TSPEAR: variants seen among roughly 807,000 people sequenced by gnomAD.
TSPEAR encodes thrombospondin type laminin G domain and EAR repeats, also known as thrombospondin-type laminin G domain and EAR repeat-containing protein.
Under a neutral mutation model 71.6 loss-of-function variants are expected in TSPEAR, and 69 were observed. That is an observed-to-expected ratio of 0.96 (90% CI 0.79 to 1.18). The LOEUF (loss-of-function observed/expected upper bound fraction) is 1.18, where lower values mean the gene tolerates loss of function less well. Ranked by LOEUF, TSPEAR falls within the 50% of genes most tolerant of loss-of-function variation. The pLI, the probability that TSPEAR is intolerant of heterozygous loss-of-function variation, is 0.00. For synonymous variants in TSPEAR, 402 were observed against 387.2 expected (o/e 1.04, Z -0.45); for missense variants, 971 against 894.9 (o/e 1.09, Z -1.09).
At chr21:44,636,710 C>A (rs1555936744) in intron 1 of TSPEAR, among the ~76,000 whole-genome samples, 1 of 152,130 alleles carries the variant, frequency 6.6e-6, no homozygotes, top group East Asian at 1.9e-4. Flanking sequence ...CACCCTCAGA[C>A]CCTGACCTGC....
chr21:44,531,241 G>A, intron 3 of TSPEAR, 108 bp from the exon 4 acceptor site: 1 of 825,972 alleles, frequency 1.2e-6, no homozygotes, highest in South Asian at 1.6e-5. Context: ...CATCTGTGCT[G>A]TGGCTGCCAC....
intron 1 of TSPEAR, among the ~76,000 whole-genome samples, chr21:44,680,356 C>T (rs1239417472): frequency 6.6e-6 from 1 of 152,024 alleles, no homozygotes; most frequent in Non-Finnish European, 1.5e-5. Context: ...TCATCTTACC[C>T]CAATTAGAAT....
Position 44,499,502 on chromosome 21 carries a change from G to A in TSPEAR, c.*281C>T. ...TGTATAGAAACGGTTCCTTGACAGC[G>A]AAATCCCCGCTTGACACTCAGATGG... On this transcript the variant is annotated 3_prime_UTR_variant, in exon 12 of 12. Coordinates refer to ENST00000323084, the MANE Select transcript of TSPEAR (RefSeq NM_144991.3). The A allele has an allele frequency of 7.2e-6, 3 of 418,140 alleles. No individual in the cohort carries two copies. Among genetic ancestry groups the A allele is most frequent in the South Asian group, 7.8e-5 (2 of 25,586 alleles). 25.9% of individuals were successfully genotyped at this position (418,140 alleles called of 1,614,324 possible). A position where few individuals can be genotyped will look rare whatever the true frequency, so the allele number is the denominator to read the frequency against.
At chr21:44,599,424 A>G (rs1555928100) in intron 1 of TSPEAR, among the ~76,000 whole-genome samples, 1 of 152,184 alleles carries the variant, frequency 6.6e-6, no homozygotes. Context: ...ACCCCACCAG[A>G]AGGGCCCCTG....
intron 1 of TSPEAR, among the ~76,000 whole-genome samples, chr21:44,606,456 A>G (rs1238455514): frequency 6.6e-6 from 1 of 152,230 alleles, no homozygotes; most frequent in East Asian, 1.9e-4. Flanking sequence ...TACGGGAAAC[A>G]GTATAGCGGT....
rs782718230 is a variant in TSPEAR, at chr21:44,666,839, C to T, written c.82+44594G>A. The T allele has an allele frequency of 1.4e-5, 22 of 1,609,242 alleles. No individual in the cohort carries two copies. The East Asian group carries it at 2.5e-4, about 18-fold the overall frequency. On this transcript the variant is annotated intron_variant, in intron 1 of 11. Transcript: ENST00000323084. ...AACAGGCTGGCTGGCAGGGGCTGGG[C>T]GCGCAGCAGGCTGGCTGGCAGCCCG...
At chr21:44,684,057 A>C (rs6518199) in intron 1 of TSPEAR, among the ~76,000 whole-genome samples, 97,505 of 152,122 alleles carry the variant, frequency 0.64, 31,418 homozygotes, top group South Asian at 0.72. Flanking sequence ...GAAGTGATGA[A>C]AACCAAAAAT....
chr21:44,525,155 TAGTCAGTCAGTC>T lies in TSPEAR; in HGVS notation c.1336+486_1336+497del, dbSNP rs58689458. Reference sequence around the variant, plus strand: ...GTAGTCAGTCAGACAGTCAGGTAGTTAGTCAGTCAGTCAGTCAGTGAAGTAGTCAGTCAGTCT... The same window carrying T: ...GTAGTCAGTCAGACAGTCAGGTAGTTAGTCAGTGAAGTAGTCAGTCAGTCT... On this transcript the variant is annotated intron_variant, in intron 8 of 11. Transcript: ENST00000323084. Among the ~76,000 whole-genome samples the T allele has an allele frequency of 2.9e-4, 44 of 151,662 alleles. 1 individual carries two copies. In the Middle Eastern group the frequency reaches 0.017, roughly 59 times the overall value.
At chr21:44,575,537 C>A (rs587660410) in intron 1 of TSPEAR, among the ~76,000 whole-genome samples, 1 of 152,254 alleles carries the variant, frequency 6.6e-6, no homozygotes, top group African/African-American at 2.4e-5. Flanking sequence ...GGGAGCCTTG[C>A]AGCCCTTTGG....
intron 1 of TSPEAR, among the ~76,000 whole-genome samples, chr21:44,683,038 C>T (rs1278596921): frequency 2.0e-5 from 3 of 152,066 alleles, no homozygotes; most frequent in Admixed American, 6.6e-5. Context: ...CCAGTCCCCA[C>T]GTCGACATCC....
At position 44,623,760 on chromosome 21, in the gene TSPEAR, T is replaced by G. The variant is rs782327310; in HGVS notation, c.83-55755A>C. 1.4e-4 allele frequency among the ~76,000 whole-genome samples: 22 copies of G among 152,318 alleles called. 1 individual carries two copies. The highest frequency in any genetic ancestry group is 5.3e-4 in the African/African-American group (22 of 41,574). ...TCCATCATCCTCTGGCTGCCATCAT[T>G]TCTACTGAGAAGTCATCTGTAAATG... On this transcript the variant is annotated intron_variant, in intron 1 of 11. Coordinates refer to ENST00000323084, the MANE Select transcript of TSPEAR (RefSeq NM_144991.3). The surrounding 1 kb of genome is among the most constrained non-coding windows in gnomAD (Gnocchi z 4.5).
chr21:44,651,992 T>C (rs1266071826), intron 1 of TSPEAR, among the ~76,000 whole-genome samples: 4 of 128,030 alleles, frequency 3.1e-5, no homozygotes, highest in African/African-American at 1.1e-4. Flanking sequence ...TTTTTTTTTT[T>C]TTTTTTTTTG....
chr21:44,637,487 G>C, intron 1 of TSPEAR: 1 of 1,613,410 alleles, frequency 6.2e-7, no homozygotes, highest in Non-Finnish European at 8.5e-7. Flanking sequence ...CGACTGCCCA[G>C]AGAGCTGCTG....
intron 2 of TSPEAR, chr21:44,540,316 T>A: frequency 8.4e-7 from 1 of 1,193,204 alleles, no homozygotes; most frequent in Non-Finnish European, 1.2e-6. Flanking sequence ...GTCCCCTTCC[T>A]GGTTGCTGAG....
At chr21:44,654,383 G>C in intron 1 of TSPEAR, 1 of 1,614,180 alleles carries the variant, frequency 6.2e-7, no homozygotes, top group Non-Finnish European at 8.5e-7. Flanking sequence ...CACAAAACAG[G>C]CTTGCAGCTC....
intron 1 of TSPEAR, among the ~76,000 whole-genome samples, chr21:44,662,777 A>G (rs1313122882): frequency 6.6e-6 from 1 of 152,240 alleles, no homozygotes; most frequent in Admixed American, 6.5e-5. Flanking sequence ...CTCTGACCAC[A>G]AAGAAATTCA....
At chr21:44,666,669 G>A (rs1985785722) in intron 1 of TSPEAR, 2 of 1,613,104 alleles carry the variant, frequency 1.2e-6, no homozygotes, top group South Asian at 1.1e-5. Flanking sequence ...CACGCACACA[G>A]CTGACTTGAA....
chr21:44,708,723 C>T (rs34538966), intron 1 of TSPEAR, among the ~76,000 whole-genome samples: 33,176 of 151,960 alleles, frequency 0.22, 4,270 homozygotes, highest in Admixed American at 0.3. Flanking sequence ...CAGTCCCCTC[C>T]CCGAATGCTG....
At chr21:44,558,889 T>C (rs917120331) in intron 2 of TSPEAR, 68 of 830,948 alleles carry the variant, frequency 8.2e-5, no homozygotes, top group Non-Finnish European at 1.2e-4. Context: ...TTCCTTGTTG[T>C]TGTTGTAGGC....
Sources: gnomAD v4.1 joint callset for allele counts (sites outside exome capture counted in the v4.1 genomes callset) on GRCh38, gnomAD v4.1.1 for gene constraint, Gnocchi (gnomAD v3.1) non-coding constraint, MANE v1.5 for transcripts, NCBI Gene and HGNC (gene_info 2026-07-23, HGNC 2026-07-21) for gene names.